Variants in DPP10 observed in about 807,000 individuals in gnomAD.
DPP10 encodes dipeptidyl peptidase like 10.
A neutral mutation model predicts 120.9 loss-of-function variants in DPP10; 33 were observed. That is an observed-to-expected ratio of 0.27 (90% confidence interval 0.21 to 0.37). DPP10 has a LOEUF of 0.37. Among genes scored for constraint, DPP10 ranks in the 10% least tolerant of loss-of-function variants. The pLI is 1.00. For synonymous variants in DPP10, 337 were observed against 326.1 expected (o/e 1.03, Z -0.36); for missense variants, 816 against 942.8 (o/e 0.87, Z 1.76).
At chr2:114,809,554 T>C (rs560885846) in intron 1 of DPP10, among the ~76,000 whole-genome samples, 70 of 152,332 alleles carry the variant, frequency 4.6e-4, no homozygotes, top group African/African-American at 1.6e-3. Flanking sequence ...GTGATTTTTA[T>C]TGTCCCTTTC....
At chr2:114,560,507 C>T (rs557959147) in intron 1 of DPP10, among the ~76,000 whole-genome samples, 26 of 152,096 alleles carry the variant, frequency 1.7e-4, no homozygotes, top group Non-Finnish European at 3.4e-4. Flanking sequence ...GTAGTCAGGC[C>T]TTTGCTGGTA....
intron 1 of DPP10, among the ~76,000 whole-genome samples, chr2:114,701,683 C>G (rs1700391026): frequency 6.6e-6 from 1 of 151,974 alleles, no homozygotes; most frequent in South Asian, 2.1e-4. Flanking sequence ...AATCGAAACC[C>G]AGGAAAAACG....
At chr2:115,107,029 C>G (rs994137350) in intron 1 of DPP10, among the ~76,000 whole-genome samples, 17 of 149,630 alleles carry the variant, frequency 1.1e-4, no homozygotes, top group African/African-American at 4.0e-4. Flanking sequence ...GAGCTGAGAT[C>G]GAGCCACTGC....
chr2:114,940,556 CA>C (rs765537282), intron 1 of DPP10, among the ~76,000 whole-genome samples: 2,908 of 107,116 alleles, frequency 0.027, 67 homozygotes, highest in African/African-American at 0.079. Flanking sequence ...GACCACTCAG[CA>C]AAAAAAAAAA....
intron 1 of DPP10, among the ~76,000 whole-genome samples, chr2:114,527,707 T>C (rs1043858415): frequency 6.6e-6 from 1 of 152,130 alleles, no homozygotes; most frequent in African/African-American, 2.4e-5. Flanking sequence ...GGCGATTTTG[T>C]CATTATGCAA....
intron 1 of DPP10, among the ~76,000 whole-genome samples, chr2:114,690,783 T>C (rs1477546981): frequency 6.6e-6 from 1 of 152,102 alleles, no homozygotes; most frequent in Non-Finnish European, 1.5e-5. Context: ...TAGTTCTCCT[T>C]GAAGAGTTCC....
intron 3 of DPP10, among the ~76,000 whole-genome samples, chr2:115,413,066 G>A (rs1263901460): frequency 6.6e-6 from 1 of 152,088 alleles, no homozygotes; most frequent in Non-Finnish European, 1.5e-5. Context: ...CCCATTTTCT[G>A]TGGGATTTGG....
At chr2:114,866,594 T>A (rs936086826) in intron 1 of DPP10, among the ~76,000 whole-genome samples, 1 of 152,224 alleles carries the variant, frequency 6.6e-6, no homozygotes, top group Non-Finnish European at 1.5e-5. Context: ...TTTATTCCTA[T>A]TTAATAGTCA....
At chr2:114,928,959 G>C (rs569331725) in intron 1 of DPP10, among the ~76,000 whole-genome samples, 1 of 152,262 alleles carries the variant, frequency 6.6e-6, no homozygotes, top group Admixed American at 6.5e-5. Context: ...ATATTTCAAC[G>C]TAGGTTCTTT....
At chr2:115,378,800 T>C (rs937962127) in intron 3 of DPP10, among the ~76,000 whole-genome samples, 5 of 152,206 alleles carry the variant, frequency 3.3e-5, no homozygotes, top group African/African-American at 1.2e-4. Context: ...TCTGCATCTA[T>C]TGAGATAATC....
intron 1 of DPP10, among the ~76,000 whole-genome samples, chr2:114,560,488 C>T (rs970448936): frequency 8.5e-5 from 13 of 152,104 alleles, no homozygotes; most frequent in African/African-American, 3.1e-4. Flanking sequence ...AGTTGGGGAC[C>T]AGTGTCAGGT....
rs140792010 is a variant in DPP10, at chr2:114,569,569, GC to G, written c.60+126734del. On this transcript the variant is annotated intron_variant, in intron 1 of 25. Coordinates refer to ENST00000410059, the MANE Select transcript of DPP10 (RefSeq NM_020868.6). ...ATTGCCTCACATCTTCTCTGACTTT[GC>G]CCAACAATGAGGCCCATCAGGTTAT... Among the ~76,000 whole-genome samples the G allele has an allele frequency of 3.7e-4, 56 of 152,226 alleles. No homozygotes were observed. The East Asian group carries it at 8.5e-3, about 23-fold the overall frequency.
chr2:115,751,055 T>C (rs1035926665), intron 10 of DPP10, among the ~76,000 whole-genome samples: 4 of 152,186 alleles, frequency 2.6e-5, no homozygotes, highest in Non-Finnish European at 4.4e-5. Flanking sequence ...AATATAGAGT[T>C]TACCAAAAAA....
intron 21 of DPP10, among the ~76,000 whole-genome samples, chr2:115,834,060 A>G (rs1002979271): frequency 6.6e-6 from 1 of 152,194 alleles, no homozygotes; most frequent in African/African-American, 2.4e-5. Context: ...GAAGTAGCTT[A>G]TATCTATATA....
chr2:114,445,267 T>C (rs754805858), intron 1 of DPP10, among the ~76,000 whole-genome samples: 1 of 152,168 alleles, frequency 6.6e-6, no homozygotes, highest in Non-Finnish European at 1.5e-5. Flanking sequence ...CTGCAGGTAA[T>C]GATAACCCAC....
At chr2:115,139,724 TAAAAAAAAAAAAAA>T (rs55826687) in intron 1 of DPP10, among the ~76,000 whole-genome samples, 1 of 56,620 alleles carries the variant, frequency 1.8e-5, no homozygotes, top group East Asian at 7.0e-4. Context: ...GTAAAAATAC[TAAAAAAAAAAAAAA>T]AAAAAAAAAA....
chr2:115,163,438 T>C (rs2104989072), intron 1 of DPP10, among the ~76,000 whole-genome samples: 1 of 152,346 alleles, frequency 6.6e-6, no homozygotes, highest in African/African-American at 2.4e-5. Context: ...GGGGGTTGAA[T>C]GTTGGCAGTT....
chr2:115,685,247 G>A (rs2090921080), intron 5 of DPP10, among the ~76,000 whole-genome samples: 1 of 151,904 alleles, frequency 6.6e-6, no homozygotes, highest in African/African-American at 2.4e-5. Context: ...ATTATTATAT[G>A]CAGGACTATC....
rs140378103 is a variant in DPP10 at position 115,091,099 on chromosome 2, C to T, written c.61-218140C>T. On this transcript the variant is annotated intron_variant, in intron 1 of 25. Transcript: ENST00000410059. The stretch of plus-strand genomic sequence containing the variant: ...AATGTTCTGTGATATAAAGAGATGG[C>T]CATTGCTTTCCCACCCTCCTCATTC... 2.2e-3 allele frequency among the ~76,000 whole-genome samples: 339 copies of T among 152,220 alleles called. 1 individual carries two copies. Among genetic ancestry groups the T allele is most frequent in the African/African-American group, 7.7e-3 (318 of 41,544 alleles).
Sources: allele counts gnomAD v4.1 joint callset (sites outside exome capture counted in the v4.1 genomes callset), GRCh38; gene constraint gnomAD v4.1.1; transcripts MANE v1.5; gene names NCBI Gene and HGNC (gene_info 2026-07-23, HGNC 2026-07-21).